Variants in SARDH observed in about 807,000 individuals in gnomAD.
SARDH encodes sarcosine dehydrogenase.
SARDH carries 95 observed loss-of-function variants against 109.1 expected under a neutral mutation model. The ratio of observed to expected loss-of-function variants is 0.87; its 90% CI spans 0.74 to 1.03. SARDH has a LOEUF of 1.03. Ranked by LOEUF, SARDH falls within the 50% of genes least tolerant of loss-of-function variation. SARDH has a pLI of 0.00. For synonymous variants in SARDH, 572 were observed against 534.8 expected, an observed-to-expected ratio of 1.07 and a Z score of -0.96; for missense variants, 1,267 against 1,287.8, an observed-to-expected ratio of 0.98 and a Z score of 0.25.
At chr9:133,681,356 C>T (rs1830689620) in intron 17 of SARDH, among the ~76,000 whole-genome samples, 1 of 152,230 alleles carries the variant, frequency 6.6e-6, no homozygotes, top group East Asian at 1.9e-4. Flanking sequence ...CGGGGCCTTG[C>T]CCCACCCTGT....
intron 17 of SARDH, among the ~76,000 whole-genome samples, chr9:133,679,065 G>A (rs2131353472): frequency 2.0e-5 from 3 of 152,298 alleles, no homozygotes; most frequent in Admixed American, 2.0e-4. Flanking sequence ...GGGGGTCGAA[G>A]CTTCCCACCA....
At chr9:133,679,085 C>T (rs1380081024) in intron 17 of SARDH, among the ~76,000 whole-genome samples, 5 of 152,214 alleles carry the variant, frequency 3.3e-5, no homozygotes, top group Admixed American at 2.0e-4. Context: ...ACCCACTCCA[C>T]AAACACCCTC....
chr9:133,661,408 T>A (rs1269564075), downstream of SARDH, among the ~76,000 whole-genome samples: 2 of 151,668 alleles, frequency 1.3e-5, no homozygotes, highest in Non-Finnish European at 2.9e-5. Flanking sequence ...TACCCCCAAC[T>A]TTTCACATGG....
intron 14 of SARDH, among the ~76,000 whole-genome samples, chr9:133,695,820 A>G (rs1282603096): frequency 6.6e-6 from 1 of 152,188 alleles, no homozygotes; most frequent in South Asian, 2.1e-4. Flanking sequence ...ATTAAAAATG[A>G]GTCATTATGT....
chr9:133,697,086 A>G (rs1831313402), intron 13 of SARDH, among the ~76,000 whole-genome samples: 1 of 152,246 alleles, frequency 6.6e-6, no homozygotes, highest in South Asian at 2.1e-4. Flanking sequence ...GAGAGGACTC[A>G]AAGTGCTAAA....
In SARDH at chr9:133,718,447, C is replaced by A; in HGVS notation, c.1020+491G>T. The A allele has an allele frequency of 2.0e-6, 1 of 506,276 alleles. No individual in the cohort carries two copies. Among genetic ancestry groups the A allele is most frequent in the Non-Finnish European group, 3.5e-6 (1 of 286,726 alleles). 31.4% of individuals were successfully genotyped at this position (506,276 alleles called of 1,614,324 possible). ...CAGGGACTTTTATCTTAGTTTCCCTCTTTCTCCAGAAATTAAAGCAGTTTT... is the reference window on the plus strand; with the variant it reads ...CAGGGACTTTTATCTTAGTTTCCCTATTTCTCCAGAAATTAAAGCAGTTTT... On this transcript the variant is annotated intron_variant, in intron 7 of 20. Transcript: ENST00000439388. This position sits in a 1 kb window ranked among gnomAD's most constrained non-coding sequence, Gnocchi z 4.2.
At chr9:133,723,289 A>C (rs1345282407) in intron 6 of SARDH, among the ~76,000 whole-genome samples, 1 of 152,214 alleles carries the variant, frequency 6.6e-6, no homozygotes, top group Non-Finnish European at 1.5e-5. Flanking sequence ...CTGACCCTAA[A>C]GTTCATACAG....
rs1401340234 is a variant in SARDH at position 133,704,860 on chromosome 9, CGGAGGGGCAAGGACGGGGCACGT to C, written c.1554+65_1554+87del. The C allele has an allele frequency of 6.5e-5, 76 of 1,161,090 alleles. No individual in the cohort carries two copies. Among genetic ancestry groups the C allele is most frequent in the African/African-American group, 7.6e-5 (5 of 65,504 alleles). 71.9% of individuals were successfully genotyped at this position (1,161,090 alleles called of 1,614,324 possible). A position where few individuals can be genotyped will look rare whatever the true frequency, so the allele number is the denominator to read the frequency against. Reference sequence around the variant, plus strand: ...GAACCACCTGGGGAGGCGGGGCACACGGAGGGGCAAGGACGGGGCACGTGGAGGGGCAAGGGGGTTGTCAGGGC... The same window carrying C: ...GAACCACCTGGGGAGGCGGGGCACACGGAGGGGCAAGGGGGTTGTCAGGGC... On this transcript the variant is annotated intron_variant, in intron 12 of 20. Coordinates refer to ENST00000439388, the MANE Select transcript of SARDH (RefSeq NM_001134707.2). The surrounding 1 kb of genome is among the most constrained non-coding windows in gnomAD (Gnocchi z 4.5).
intron 17 of SARDH, among the ~76,000 whole-genome samples, chr9:133,681,908 C>T (rs1341865759): frequency 6.7e-6 from 1 of 149,862 alleles, no homozygotes; most frequent in Non-Finnish European, 1.5e-5. Context: ...CCCTGTGTTT[C>T]CCCTCCCCCC....
chr9:133,674,356 C>T lies in SARDH; in HGVS notation c.2164-2659G>A, dbSNP rs150704878. 5.4e-4 allele frequency among the ~76,000 whole-genome samples: 83 copies of T among 152,328 alleles called. No homozygotes were observed. The East Asian group carries it at 0.014, about 26-fold the overall frequency. Reference sequence around the variant, plus strand: ...GGTGCGTGTGCACCAAGCACATGGTCCCGGCACGTCGTCCTTGGCCACTCT... The same window carrying T: ...GGTGCGTGTGCACCAAGCACATGGTTCCGGCACGTCGTCCTTGGCCACTCT... On this transcript the variant is annotated intron_variant, in intron 17 of 20. Coordinates refer to ENST00000439388, the MANE Select transcript of SARDH (RefSeq NM_001134707.2).
Position 133,718,565 on chromosome 9 carries a change from G to T in SARDH, c.1020+373C>A, listed in dbSNP as rs549423672. On this transcript the variant is annotated intron_variant, in intron 7 of 20. Transcript: ENST00000439388. The surrounding 1 kb of genome is among the most constrained non-coding windows in gnomAD (Gnocchi z 4.2). ...CAGGGCTGCCCTAACCCCAGAAGCT[G>T]CCCGGGAAACAGCCCAGGCCAGGGG... 1,332 of 733,750 alleles carry T rather than the reference G, an allele frequency of 1.8e-3. 2 individuals carry two copies. The highest frequency in any genetic ancestry group is 2.8e-3 in the Non-Finnish European group (1,125 of 398,486). 45.5% of individuals were successfully genotyped at this position (733,750 alleles called of 1,614,324 possible).
chr9:133,697,843 G>A (rs1009887666), intron 13 of SARDH, among the ~76,000 whole-genome samples: 1 of 151,874 alleles, frequency 6.6e-6, no homozygotes, highest in African/African-American at 2.4e-5. Context: ...AACAAGACAG[G>A]GGGGTCCATT....
Position 133,709,517 on chromosome 9 carries a change from C to G in SARDH, c.1329-1089G>C, listed in dbSNP as rs1001322352. Among the ~76,000 whole-genome samples the G allele has an allele frequency of 6.6e-6, 1 of 152,180 alleles. No homozygotes were observed. Among genetic ancestry groups the G allele is most frequent in the Admixed American group, 6.5e-5 (1 of 15,280 alleles). On this transcript the variant is annotated intron_variant, in intron 10 of 20. Coordinates refer to ENST00000439388, the MANE Select transcript of SARDH (RefSeq NM_001134707.2). The surrounding 1 kb of genome is among the most constrained non-coding windows in gnomAD (Gnocchi z 4.2). ...CCTCACTCATCACTCAAGGCTGCCT[C>G]AGCAGCCACATCAGAGGCGTTTCTA...
intron 17 of SARDH, among the ~76,000 whole-genome samples, chr9:133,673,199 C>A (rs561538178): frequency 2.0e-5 from 3 of 152,376 alleles, no homozygotes; most frequent in African/African-American, 7.2e-5. Flanking sequence ...TGGGGGGCTT[C>A]TTGCACAGGA....
chr9:133,664,469 C>T (rs1312353850), intron 20 of SARDH, among the ~76,000 whole-genome samples: 1 of 152,230 alleles, frequency 6.6e-6, no homozygotes, highest in Non-Finnish European at 1.5e-5. Context: ...ATCCCACACC[C>T]TGGCTCGGGC....
Position 133,694,254 on chromosome 9 carries a change from A to G in SARDH, c.1921+4T>C. The G allele has an allele frequency of 6.5e-7, 1 of 1,544,438 alleles. No homozygotes were observed. Among genetic ancestry groups the G allele is most frequent in the African/African-American group, 1.4e-5 (1 of 73,000 alleles). On this transcript the variant is annotated splice_donor_region_variant and intron_variant, in intron 15 of 20. Coordinates refer to ENST00000439388, the MANE Select transcript of SARDH (RefSeq NM_001134707.2). ...AGCGCCGTGTGCACAGAGGCATCCCATACCTTCAAAGGCGGGGGCCAGCGG... is the reference window on the plus strand; with the variant it reads ...AGCGCCGTGTGCACAGAGGCATCCCGTACCTTCAAAGGCGGGGGCCAGCGG...
At chr9:133,659,677 C>T (rs1832386205), downstream of SARDH, among the ~76,000 whole-genome samples, 1 of 152,204 alleles carries the variant, frequency 6.6e-6, no homozygotes, top group Non-Finnish European at 1.5e-5. Context: ...TTCACTTCAT[C>T]ACAGAAGGGA....
chr9:133,682,645 ACG>A, intron 17 of SARDH, among the ~76,000 whole-genome samples: 1 of 151,520 alleles, frequency 6.6e-6, no homozygotes, highest in African/African-American at 2.4e-5. Context: ...GCTGAAACCC[ACG>A]CGCAGTGATG....
intron 1 of SARDH, among the ~76,000 whole-genome samples, chr9:133,737,161 C>A (rs750158037): frequency 3.9e-5 from 6 of 152,240 alleles, no homozygotes; most frequent in Non-Finnish European, 7.3e-5. Context: ...ACTGCCCAAG[C>A]CCTGACGAAG....
Sources: allele counts gnomAD v4.1 joint callset (sites outside exome capture counted in the v4.1 genomes callset), GRCh38; gene constraint gnomAD v4.1.1; non-coding constraint Gnocchi (gnomAD v3.1); transcripts MANE v1.5; gene names NCBI Gene and HGNC (gene_info 2026-07-23, HGNC 2026-07-21).